The following KDM4C variants were observed in gnomAD, a reference collection of about 807,000 sequenced individuals.
KDM4C encodes the protein lysine-specific demethylase 4C.
Under a neutral mutation model 129.3 loss-of-function variants are expected in KDM4C, and 81 were observed. That is an observed-to-expected ratio of 0.63 (90% CI 0.52 to 0.75). The LOEUF is 0.75. Ranked by LOEUF, KDM4C falls within the 30% of genes least tolerant of loss-of-function variation. KDM4C has a pLI of 0.00. For missense variants in KDM4C, 1,457 were observed against 1,304.0 expected (o/e 1.12, Z -1.81); for synonymous variants, 573 against 456.1 (o/e 1.26, Z -3.26).
At chr9:6,796,457 T>C (rs377550632) in intron 2 of KDM4C, among the ~76,000 whole-genome samples, 1 of 152,176 alleles carries the variant, frequency 6.6e-6, no homozygotes, top group South Asian at 2.1e-4. Flanking sequence ...TCTCCCACTT[T>C]TGTTTCCGGA....
intron 1 of KDM4C, among the ~76,000 whole-genome samples, chr9:6,780,804 A>G (rs1185938065): frequency 6.7e-6 from 1 of 149,668 alleles, no homozygotes; most frequent in Non-Finnish European, 1.5e-5. Flanking sequence ...AGCGACTTTA[A>G]TCATATTTGG....
rs529955446 is a variant in KDM4C at position 7,024,850 on chromosome 9, G to T, written c.2259+8921G>T. Among the ~76,000 whole-genome samples, 4 of 152,264 alleles carry T rather than the reference G, an allele frequency of 2.6e-5. No individual in the cohort carries two copies. The East Asian group carries it at 7.7e-4, about 29-fold the overall frequency. On this transcript the variant is annotated intron_variant, in intron 15 of 21. Coordinates refer to ENST00000381309, the MANE Select transcript of KDM4C (RefSeq NM_015061.6). Reference sequence around the variant, plus strand: ...TTATAATCCTTTGGGTATATATCCAGTAATGGGATGGCTGGGTCAAATGGT... The same window carrying T: ...TTATAATCCTTTGGGTATATATCCATTAATGGGATGGCTGGGTCAAATGGT...
chr9:6,835,537 G>C (rs988340185), intron 4 of KDM4C: 5 of 1,445,676 alleles, frequency 3.5e-6, no homozygotes, highest in African/African-American at 1.4e-5. Context: ...GCAGGAGTAT[G>C]ATGAGTCCGG....
chr9:6,732,360 G>GT lies in KDM4C; in HGVS notation c.49+11364dup, dbSNP rs560883318. 5.1e-4 allele frequency among the ~76,000 whole-genome samples: 41 copies of GT among 79,650 alleles called. 1 individual carries two copies. The highest frequency in any genetic ancestry group is 1.8e-3 in the African/African-American group (37 of 20,180). The allele number at this position is 79,650 out of a possible 152,430, so 52.3% of individuals were successfully genotyped here. ...AGCCTGGGTGACAGAGCAAGACTCT[G>GT]TCTCAAAAAAAAAAAAAAAAAAAAA... On this transcript the variant is annotated intron_variant, in intron 1 of 17. Transcript: ENST00000536108.
intron 8 of KDM4C, among the ~76,000 whole-genome samples, chr9:6,920,261 C>T (rs1404330548): frequency 6.6e-6 from 1 of 151,944 alleles, no homozygotes; most frequent in Non-Finnish European, 1.5e-5. Flanking sequence ...TCATGAGTCC[C>T]ATGGGGTCAG....
chr9:6,794,504 C>G lies in KDM4C; in HGVS notation c.144+1372C>G, dbSNP rs561875490. On this transcript the variant is annotated intron_variant, in intron 2 of 21. Transcript: ENST00000381309. ...AGGAAGATATGGTGGCTGTTTGTTT[C>G]TTTCTTTTGCTATTTTTGGGACATT... 8.5e-5 allele frequency among the ~76,000 whole-genome samples: 13 copies of G among 152,242 alleles called. 1 individual carries two copies. The South Asian group carries it at 2.3e-3, about 27-fold the overall frequency.
intron 6 of KDM4C, among the ~76,000 whole-genome samples, chr9:6,885,967 G>C (rs1845200168): frequency 6.6e-6 from 1 of 152,178 alleles, no homozygotes; most frequent in Admixed American, 6.5e-5. Flanking sequence ...GAAAGAAAAT[G>C]GAATAGACTC....
intron 1 of KDM4C, among the ~76,000 whole-genome samples, chr9:6,792,192 A>C (rs1014640677): frequency 6.6e-6 from 1 of 151,734 alleles, no homozygotes; most frequent in African/African-American, 2.4e-5. Context: ...AATACAAAAA[A>C]GGTAGCCCGG....
intron 18 of KDM4C, 178 bp downstream of exon 18, chr9:7,104,048 G>A: frequency 1.7e-6 from 1 of 598,246 alleles, no homozygotes; most frequent in Middle Eastern, 4.5e-4. Flanking sequence ...ATTTGCCTAG[G>A]ACCTGTCAAG....
intron 19 of KDM4C, among the ~76,000 whole-genome samples, chr9:7,142,859 G>A (rs887017377): frequency 1.4e-4 from 22 of 152,036 alleles, no homozygotes; most frequent in Non-Finnish European, 2.9e-4. Flanking sequence ...CAGGCTGTGT[G>A]TGTGTGTGTG....
At chr9:6,924,118 T>C (rs12380111) in intron 8 of KDM4C, among the ~76,000 whole-genome samples, 99,584 of 152,104 alleles carry the variant, frequency 0.65, 33,066 homozygotes, top group African/African-American at 0.71. Context: ...TGCTGGCTTT[T>C]TCTTTTTTTA....
intron 15 of KDM4C, among the ~76,000 whole-genome samples, chr9:7,029,889 A>T (rs998496557): frequency 3.3e-5 from 5 of 152,212 alleles, no homozygotes; most frequent in Admixed American, 3.3e-4. Context: ...CATTAAGCCT[A>T]TGGTGTCATT....
At chr9:6,995,893 G>A (rs186801471) in intron 12 of KDM4C, among the ~76,000 whole-genome samples, 25 of 131,224 alleles carry the variant, frequency 1.9e-4, no homozygotes, top group South Asian at 8.9e-4. Flanking sequence ...GGATGGTCTC[G>A]ATCTGACCTC....
At chr9:6,875,181 T>C (rs1843367897) in intron 5 of KDM4C, among the ~76,000 whole-genome samples, 1 of 152,214 alleles carries the variant, frequency 6.6e-6, no homozygotes, top group Non-Finnish European at 1.5e-5. Flanking sequence ...ATATGGTTTA[T>C]CATTTGAGAG....
At chr9:6,801,618 G>A (rs1828988868) in intron 2 of KDM4C, among the ~76,000 whole-genome samples, 2 of 145,512 alleles carry the variant, frequency 1.4e-5, no homozygotes, top group African/African-American at 5.0e-5. Flanking sequence ...GTGCAGATAT[G>A]CTCTCTCTCT....
chr9:7,167,924 G>A (rs960531276), intron 20 of KDM4C, among the ~76,000 whole-genome samples: 4 of 152,262 alleles, frequency 2.6e-5, no homozygotes, highest in Admixed American at 1.3e-4. Context: ...GCTCATGCCT[G>A]TAATCCCAGC....
At chr9:6,812,548 T>C (rs1831349364) in intron 3 of KDM4C, among the ~76,000 whole-genome samples, 1 of 152,158 alleles carries the variant, frequency 6.6e-6, no homozygotes, top group African/African-American at 2.4e-5. Context: ...GTGTGCAACC[T>C]AGACCCCTCA....
At chr9:7,070,893 C>T (rs921050712) in intron 17 of KDM4C, among the ~76,000 whole-genome samples, 7 of 152,094 alleles carry the variant, frequency 4.6e-5, no homozygotes, top group Non-Finnish European at 8.8e-5. Flanking sequence ...TCAAATCATA[C>T]TGATTGGAGG....
intron 8 of KDM4C, chr9:6,941,816 A>G (rs3818899): frequency 0.26 from 39,436 of 152,102 alleles, 5,551 homozygotes; most frequent in South Asian, 0.42. Context: ...CAGCCTGCAG[A>G]TGTGAGCAAG....
Sources: gnomAD v4.1 joint callset for allele counts (sites outside exome capture counted in the v4.1 genomes callset) on GRCh38, gnomAD v4.1.1 for gene constraint, MANE v1.5 for transcripts, NCBI Gene and HGNC (gene_info 2026-07-23, HGNC 2026-07-21) for gene names.